PRPF4: variants seen among roughly 807,000 people sequenced by gnomAD.
The protein encoded by PRPF4 is pre-mRNA splicing tri-snRNP complex factor PRPF4, also known as U4/U6 small nuclear ribonucleoprotein Prp4.
A neutral mutation model predicts 72.2 loss-of-function variants in PRPF4; 14 were observed. That is an observed-to-expected ratio of 0.19 (90% CI 0.13 to 0.30). PRPF4 has a LOEUF of 0.30. Ranked by LOEUF, PRPF4 falls within the 10% of genes least tolerant of loss-of-function variation. PRPF4 has a pLI of 1.00. For missense variants in PRPF4, 478 were observed against 653.9 expected, an observed-to-expected ratio of 0.73 and a Z score of 2.93; for synonymous variants, 225 against 232.2, an observed-to-expected ratio of 0.97 and a Z score of 0.28.
chr9:113,289,381 A>G (rs182353364), intron 10 of PRPF4, among the ~76,000 whole-genome samples: 1 of 152,304 alleles, frequency 6.6e-6, no homozygotes, highest in East Asian at 1.9e-4. Flanking sequence ...TATGAGATGT[A>G]TATTTAACTT....
chr9:113,286,705 G>A lies in PRPF4; in HGVS notation c.809G>A (p.Gly270Glu). The A allele has an allele frequency of 6.2e-7, 1 of 1,614,012 alleles. No individual in the cohort carries two copies. The highest frequency in any genetic ancestry group is 8.5e-7 in the Non-Finnish European group (1 of 1,179,998). The stretch of plus-strand genomic sequence containing the variant: ...ACTTGCATCTCTTACACTCCTTTAG[G>A]GCATAACACAAATGTAGGAGCAATT... ...PDCNLLHTLR[G>E]HNTNVGAIVF... The change falls in exon 9 of 14, where the codon GGG becomes GAG. Residue 270 changes from glycine to glutamate, a missense_variant and splice_region_variant. Transcript: ENST00000374198.
chr9:113,282,124 CTGAG>C (rs1432704602), intron 3 of PRPF4, among the ~76,000 whole-genome samples: 1 of 152,152 alleles, frequency 6.6e-6, no homozygotes, highest in East Asian at 1.9e-4. Context: ...ATAGAGAAGA[CTGAG>C]TGGGAGAAAC....
chr9:113,279,555 A>G (rs563231163), intron 3 of PRPF4, among the ~76,000 whole-genome samples: 1 of 151,802 alleles, frequency 6.6e-6, no homozygotes, highest in East Asian at 1.9e-4. Flanking sequence ...TATTTTTTAT[A>G]TTTTTGTATT....
At position 113,279,151 on chromosome 9, in the gene PRPF4, A is replaced by G. The variant is rs1417961967; in HGVS notation, c.392+20A>G. On this transcript the variant is annotated intron_variant, in intron 3 of 13. Coordinates refer to ENST00000374198, the MANE Select transcript of PRPF4 (RefSeq NM_001244926.2). ...AGAAAGGTTGCCTTTCTAAATATTT[A>G]CTTTTTTTCTTTATTATAATCACAG... 5.0e-6 allele frequency: 8 copies of G among 1,587,160 alleles called. No individual in the cohort carries two copies. The South Asian group carries it at 9.3e-5, about 18-fold the overall frequency.
In PRPF4 at chr9:113,286,844, C is replaced by A. The variant is rs547249926; in HGVS notation, c.932+16C>A. 6.2e-7 allele frequency: 1 copy of A among 1,614,034 alleles called. No individual in the cohort carries two copies. The highest frequency in any genetic ancestry group is 1.1e-5 in the South Asian group (1 of 91,064). On this transcript the variant is annotated intron_variant, in intron 9 of 13. Coordinates refer to ENST00000374198, the MANE Select transcript of PRPF4 (RefSeq NM_001244926.2). ...GTCTCGACAGGTGAATATCACTGTT[C>A]TGTGGCCCATACTGCCATCACTAAA... is the stretch of plus-strand genomic sequence containing the variant.
rs1281930471 is a variant in PRPF4 at position 113,291,516 on chromosome 9, G to A, written c.1422G>A (p.Lys474=). 6.2e-7 allele frequency: 1 copy of A among 1,614,010 alleles called. No homozygotes were observed. The highest frequency in any genetic ancestry group is 8.5e-7 in the Non-Finnish European group (1 of 1,180,026). The change falls in exon 14 of 14, where the codon AAG becomes AAA. Residue 474 remains lysine (K), a synonymous_variant. Transcript: ENST00000374198. ...CTGGTGCCTATGATAACACAGCCAA[G>A]ATCTGGACGCACCCAGGCTGGTCCC... ...LLTGAYDNTA[K]IWTHPGWSPL...
intron 7 of PRPF4, among the ~76,000 whole-genome samples, chr9:113,285,592 A>G (rs951663425): frequency 2.6e-5 from 4 of 151,110 alleles, no homozygotes; most frequent in Admixed American, 1.3e-4. Context: ...GTTAGCCAGG[A>G]TGGGCTCGAT....
rs1350011768 is a variant in PRPF4, at chr9:113,282,626, T to C, written c.393-20T>C. 1 of 396,800 alleles carries C rather than the reference T, an allele frequency of 2.5e-6. No individual in the cohort carries two copies. The highest frequency in any genetic ancestry group is 4.5e-5 in the South Asian group (1 of 22,216). The allele number at this position is 396,800 out of a possible 1,614,324, so 24.6% of individuals were successfully genotyped here. A position where few individuals can be genotyped will look rare whatever the true frequency, so the allele number is the denominator to read the frequency against. On this transcript the variant is annotated intron_variant, in intron 3 of 13. Coordinates refer to ENST00000374198, the MANE Select transcript of PRPF4 (RefSeq NM_001244926.2). Reference sequence around the variant, plus strand: ...TCTCAACCATGTTTAAATTCTGATCTTTTTTTTTTTTTTTAACAGGTTAAG... The same window carrying C: ...TCTCAACCATGTTTAAATTCTGATCCTTTTTTTTTTTTTTAACAGGTTAAG...
rs577064405 is a variant in PRPF4, at chr9:113,282,793, C to T, written c.480+60C>T. 509 of 1,353,302 alleles carry T rather than the reference C, an allele frequency of 3.8e-4. 1 individual carries two copies. Among genetic ancestry groups the T allele is most frequent in the Non-Finnish European group, 4.8e-4 (462 of 962,918 alleles). The allele number at this position is 1,353,302 out of a possible 1,614,324, so 83.8% of individuals were successfully genotyped here. A position where few individuals can be genotyped will look rare whatever the true frequency, so the allele number is the denominator to read the frequency against. ...GAAGGAAATGAGGGGATAGGTCTCT[C>T]GTTTTCTGCTTTCAATGGTTTGTTT... On this transcript the variant is annotated intron_variant, in intron 4 of 13. Transcript: ENST00000374198.
chr9:113,282,477 G>GAA lies in PRPF4; in HGVS notation c.393-160_393-159dup, dbSNP rs111996992. On this transcript the variant is annotated intron_variant, in intron 3 of 13. Transcript: ENST00000374198. ...ACAACAAGACCTCATCTCTTAAAAAGAAAAAAAAAAGGTTGCTAGGTGGTT... is the reference window on the plus strand; with the variant it reads ...ACAACAAGACCTCATCTCTTAAAAAGAAAAAAAAAAAAGGTTGCTAGGTGGTT... 5.7e-3 allele frequency among the ~76,000 whole-genome samples: 855 copies of GAA among 148,796 alleles called. 9 individuals are homozygous for GAA. The highest frequency in any genetic ancestry group is 0.017 in the African/African-American group (676 of 40,500).
chr9:113,276,476 T>C (rs1340592101), intron 1 of PRPF4, 72 bp from the exon 2 acceptor site: 8 of 1,537,568 alleles, frequency 5.2e-6, no homozygotes, highest in Middle Eastern at 1.7e-4. Flanking sequence ...CAGGGTGAGC[T>C]TCATCCTCTG....
At chr9:113,281,212 G>A (rs1056450362) in intron 3 of PRPF4, among the ~76,000 whole-genome samples, 7 of 152,016 alleles carry the variant, frequency 4.6e-5, no homozygotes, top group Admixed American at 1.3e-4. Context: ...TTATTCTTTC[G>A]TTTCAGCATA....
intron 9 of PRPF4, among the ~76,000 whole-genome samples, chr9:113,287,455 T>C (rs1422494066): frequency 1.3e-5 from 2 of 152,214 alleles, no homozygotes; most frequent in Non-Finnish European, 2.9e-5. Context: ...TACAACAGTT[T>C]TTAAAAATGT....
chr9:113,286,055 T>C (rs1832440791), intron 7 of PRPF4, 177 bp from the exon 8 acceptor site: 1 of 189,500 alleles, frequency 5.3e-6, no homozygotes, highest in Admixed American at 6.5e-5. Context: ...TGGTTGCGTG[T>C]GGGCTGGAGG....
intron 7 of PRPF4, among the ~76,000 whole-genome samples, chr9:113,284,966 T>C (rs1041648993): frequency 1.3e-5 from 2 of 152,116 alleles, no homozygotes; most frequent in Admixed American, 6.6e-5. Flanking sequence ...CATGGCTATC[T>C]AATGAGAAAG....
chr9:113,284,226 G>T, intron 6 of PRPF4, 69 bp from the exon 7 acceptor site: 1 of 1,206,104 alleles, frequency 8.3e-7, no homozygotes. Flanking sequence ...TTTTTATGGT[G>T]GAAAAGCAAA....
intron 9 of PRPF4, among the ~76,000 whole-genome samples, chr9:113,287,179 C>T (rs772643784): frequency 1.3e-5 from 2 of 152,112 alleles, no homozygotes; most frequent in Non-Finnish European, 2.9e-5. Context: ...GAGTTATGTC[C>T]GTTTTTTCTT....
Position 113,275,707 on chromosome 9 carries a change from C to T in PRPF4, c.-37C>T, listed in dbSNP as rs962488585. 3 of 1,605,042 alleles carry T rather than the reference C, an allele frequency of 1.9e-6. No homozygotes were observed. The highest frequency in any genetic ancestry group is 2.6e-6 in the Non-Finnish European group (3 of 1,175,542). On this transcript the variant is annotated 5_prime_UTR_variant, in exon 1 of 14. Coordinates refer to ENST00000374198, the MANE Select transcript of PRPF4 (RefSeq NM_001244926.2). ...GGTGGACGGTCTGAAAGGGAGTGTT[C>T]GGGTTTCGCTGGGGCCTCGCGGCTC...
intron 9 of PRPF4, 57 bp downstream of exon 9, chr9:113,286,885 G>A (rs1167843794): frequency 3.1e-6 from 5 of 1,611,724 alleles, no homozygotes; most frequent in African/African-American, 1.3e-5. Context: ...TGTTTGATTG[G>A]TTGGTCCCCA....
Sources: gnomAD v4.1 joint callset for allele counts (sites outside exome capture counted in the v4.1 genomes callset) on GRCh38, gnomAD v4.1.1 for gene constraint, MANE v1.5 for transcripts, NCBI Gene and HGNC (gene_info 2026-07-23, HGNC 2026-07-21) for gene names.